DPP10: variants seen among roughly 807,000 people sequenced by gnomAD.
The protein encoded by DPP10 is inactive dipeptidyl peptidase 10.
In DPP10, 33 loss-of-function variants were observed where a neutral mutation model predicts 120.9. The observed-to-expected ratio is 0.27, with a 90% confidence interval of 0.21 to 0.37. The LOEUF (loss-of-function observed/expected upper bound fraction) is 0.37, where lower values mean the gene tolerates loss of function less well. Ranked by LOEUF, DPP10 falls within the 10% of genes least tolerant of loss-of-function variation. The probability of loss-of-function intolerance (pLI) is 1.00; values close to 1 mark genes in which losing one functional copy is unlikely to be tolerated. For missense variants in DPP10, 816 were observed against 942.8 expected (o/e 0.87, Z 1.76); for synonymous variants, 337 against 326.1 (o/e 1.03, Z -0.36).
chr2:115,385,366 TTAAATCAAGAC>T (rs2066854257), intron 3 of DPP10, among the ~76,000 whole-genome samples: 1 of 151,668 alleles, frequency 6.6e-6, no homozygotes, highest in African/African-American at 2.4e-5. Flanking sequence ...TTTTTTTTTT[TTAAATCAAGAC>T]AGAGTTTCGC....
intron 1 of DPP10, among the ~76,000 whole-genome samples, chr2:114,479,922 C>G (rs1009509071): frequency 1.3e-5 from 2 of 152,088 alleles, no homozygotes; most frequent in African/African-American, 4.8e-5. Context: ...TCAGAGTGAA[C>G]AGGCAACCTA....
intron 8 of DPP10, among the ~76,000 whole-genome samples, chr2:115,735,611 C>T (rs927717114): frequency 1.3e-5 from 2 of 151,618 alleles, no homozygotes; most frequent in African/African-American, 4.9e-5. Flanking sequence ...AACTCCAGCT[C>T]CCAGGTTCAA....
At chr2:115,748,428 A>G (rs1678285722) in intron 10 of DPP10, among the ~76,000 whole-genome samples, 1 of 152,064 alleles carries the variant, frequency 6.6e-6, no homozygotes, top group African/African-American at 2.4e-5. Flanking sequence ...TTGTCTTAAT[A>G]AAATCGCCAA....
intron 5 of DPP10, among the ~76,000 whole-genome samples, chr2:115,607,803 G>A (rs901454574): frequency 6.6e-6 from 1 of 152,088 alleles, no homozygotes; most frequent in African/African-American, 2.4e-5. Context: ...GTAATGTAAA[G>A]GAAGTAGACG....
chr2:114,620,398 A>G (rs963465806), intron 1 of DPP10, among the ~76,000 whole-genome samples: 1 of 152,030 alleles, frequency 6.6e-6, no homozygotes, highest in Admixed American at 6.6e-5. Context: ...CAGGCTGTTA[A>G]TTATCGCCTT....
chr2:115,483,027 A>C (rs934996704), intron 3 of DPP10, among the ~76,000 whole-genome samples: 6 of 152,078 alleles, frequency 3.9e-5, no homozygotes, highest in Non-Finnish European at 7.4e-5. Context: ...TAAATAAGGA[A>C]ATTTTAATAT....
At chr2:115,789,939 A>G (rs1021174172) in intron 17 of DPP10, among the ~76,000 whole-genome samples, 1 of 152,242 alleles carries the variant, frequency 6.6e-6, no homozygotes, top group Non-Finnish European at 1.5e-5. Flanking sequence ...GCTGGGAGAA[A>G]TTAAAGACTC....
rs780790384 is a variant in DPP10 at position 114,960,445 on chromosome 2, A to T, written c.61-348794A>T. 1.5e-3 allele frequency among the ~76,000 whole-genome samples: 220 copies of T among 151,654 alleles called. 2 individuals carry two copies. Among genetic ancestry groups the T allele is most frequent in the Non-Finnish European group, 2.3e-3 (154 of 67,874 alleles). On this transcript the variant is annotated intron_variant, in intron 1 of 25. Coordinates refer to ENST00000410059, the MANE Select transcript of DPP10 (RefSeq NM_020868.6). ...GGAAATAACTGCTGGAAAACCAAAA[A>T]ATTGGGATACTATTTGCAAAGTTAA...
chr2:115,789,260 C>T (rs1187386140), intron 17 of DPP10, among the ~76,000 whole-genome samples: 1 of 152,116 alleles, frequency 6.6e-6, no homozygotes. Context: ...GCAAGTCAAA[C>T]CTAGCAATTA....
At chr2:115,372,033 C>T (rs1003721702) in intron 3 of DPP10, among the ~76,000 whole-genome samples, 1 of 152,002 alleles carries the variant, frequency 6.6e-6, no homozygotes, top group African/African-American at 2.4e-5. Context: ...TGATGGTTTT[C>T]TATGTAATGT....
chr2:114,834,613 C>CTACGCACCTATGTATATA lies in DPP10; in HGVS notation c.60+391777_60+391778insCGCACCTATGTATATATA, dbSNP rs1687495152. On this transcript the variant is annotated intron_variant, in intron 1 of 25. Coordinates refer to ENST00000410059, the MANE Select transcript of DPP10 (RefSeq NM_020868.6). ...GCACCTATGTATATATAAGCCATAT[C>CTACGCACCTATGTATATA]TAAGCACCTATGTATATATAAGCCA... Among the ~76,000 whole-genome samples, 2 of 131,856 alleles carry CTACGCACCTATGTATATA rather than the reference C, an allele frequency of 1.5e-5. 1 individual carries two copies. 86.5% of individuals were successfully genotyped at this position (131,856 alleles called of 152,430 possible).
intron 2 of DPP10, among the ~76,000 whole-genome samples, chr2:115,339,990 T>A (rs1465411082): frequency 6.6e-6 from 1 of 152,178 alleles, no homozygotes; most frequent in Non-Finnish European, 1.5e-5. Flanking sequence ...TCAATGTCAG[T>A]TTCTTTTCGT....
chr2:115,578,742 G>C (rs1014026225), intron 5 of DPP10, among the ~76,000 whole-genome samples: 2 of 152,196 alleles, frequency 1.3e-5, no homozygotes, highest in African/African-American at 2.4e-5. Flanking sequence ...AGGATTTGGG[G>C]ATTTTGCAGA....
chr2:114,759,488 ACT>A (rs1680089650), intron 1 of DPP10, among the ~76,000 whole-genome samples: 1 of 148,652 alleles, frequency 6.7e-6, no homozygotes, highest in Non-Finnish European at 1.5e-5. Context: ...CTTTTAATAA[ACT>A]CTTTAGTTTT....
At chr2:115,630,850 A>C (rs1316558190) in intron 5 of DPP10, among the ~76,000 whole-genome samples, 2 of 151,902 alleles carry the variant, frequency 1.3e-5, no homozygotes, top group Non-Finnish European at 2.9e-5. Context: ...TCAGGCATTG[A>C]TATTGGCCTG....
At chr2:115,245,979 A>G (rs911509662) in intron 1 of DPP10, among the ~76,000 whole-genome samples, 1 of 152,148 alleles carries the variant, frequency 6.6e-6, no homozygotes, top group African/African-American at 2.4e-5. Flanking sequence ...AGAAAAACAT[A>G]TTCAATGAGC....
chr2:115,178,563 A>C (rs1185466374), intron 1 of DPP10, among the ~76,000 whole-genome samples: 1 of 152,218 alleles, frequency 6.6e-6, no homozygotes, highest in Non-Finnish European at 1.5e-5. Context: ...TATTTAATAA[A>C]GAAAATAAAT....
chr2:114,652,503 A>T (rs1362770307), intron 1 of DPP10, among the ~76,000 whole-genome samples: 2 of 152,168 alleles, frequency 1.3e-5, no homozygotes, highest in African/African-American at 4.8e-5. Context: ...TTTGGAGATC[A>T]TGTTGATGAG....
chr2:115,425,749 AT>A (rs2070395922), intron 3 of DPP10, among the ~76,000 whole-genome samples: 1 of 152,174 alleles, frequency 6.6e-6, no homozygotes, highest in Non-Finnish European at 1.5e-5. Context: ...AGACTGGGAA[AT>A]TTATAAATAA....
Sources: allele counts gnomAD v4.1 joint callset (sites outside exome capture counted in the v4.1 genomes callset), GRCh38; gene constraint gnomAD v4.1.1; transcripts MANE v1.5; gene names NCBI Gene and HGNC (gene_info 2026-07-23, HGNC 2026-07-21).